The following METTL22 variants were observed in gnomAD, a reference collection of about 807,000 sequenced individuals.
The protein encoded by METTL22 is methyltransferase-like protein 22.
In METTL22, 51 loss-of-function variants were observed where a neutral mutation model predicts 48.4. The observed-to-expected ratio is 1.05, with a 90% CI of 0.84 to 1.33. METTL22 has a LOEUF of 1.33. METTL22 is among the 40% of genes most tolerant of loss of function. The pLI is 0.00. For missense variants in METTL22, 678 were observed against 526.9 expected (o/e 1.29, Z -2.81); for synonymous variants, 255 against 214.1 (o/e 1.19, Z -1.67).
At chr16:8,623,402 C>T (rs187519304) in intron 1 of METTL22, among the ~76,000 whole-genome samples, 1 of 151,974 alleles carries the variant, frequency 6.6e-6, no homozygotes, top group African/African-American at 2.4e-5. Flanking sequence ...AGAGGATCTT[C>T]CCCACCCCCT....
rs531021359 is a variant in METTL22, at chr16:8,647,375, A to G, written c.*1232A>G. 6.5e-6 allele frequency: 1 copy of G among 152,758 alleles called. No homozygotes were observed. The highest frequency in any genetic ancestry group is 1.9e-4 in the East Asian group (1 of 5,188). The allele number at this position is 152,758 out of a possible 1,614,324, so 9.5% of individuals were successfully genotyped here. ...TTAAATATCACTACATCCCTGCTGT[A>G]TGGTCTGGCAAACAGTAGATGCTCA... is the stretch of plus-strand genomic sequence containing the variant. On this transcript the variant is annotated 3_prime_UTR_variant, in exon 11 of 11. Coordinates refer to ENST00000381920, the MANE Select transcript of METTL22 (RefSeq NM_024109.4).
intron 10 of METTL22, among the ~76,000 whole-genome samples, chr16:8,645,352 T>C (rs1487919140): frequency 6.6e-6 from 1 of 152,128 alleles, no homozygotes; most frequent in Non-Finnish European, 1.5e-5. Flanking sequence ...ATGGAATTCG[T>C]GTGGTTTTGT....
chr16:8,635,299 C>T lies in METTL22; in HGVS notation c.687C>T (p.Thr229=), dbSNP rs553396273. 174 of 1,579,940 alleles carry T rather than the reference C, an allele frequency of 1.1e-4. 2 individuals are homozygous for T. The South Asian group carries it at 1.6e-3, about 15-fold the overall frequency. ...TCATCGCAGCCACCATGGCACGGAC[C>T]GTTTATTGTACAGGTAATGAGGTGA... is the stretch of plus-strand genomic sequence containing the variant. ...ASIIAATMAR[T]VYCTDVGADL... is the part of the protein sequence containing the mutation. Residue 229 remains threonine, a synonymous_variant, in exon 5 of 11, where the codon ACC becomes ACT. Coordinates refer to ENST00000381920, the MANE Select transcript of METTL22 (RefSeq NM_024109.4).
intron 3 of METTL22, among the ~76,000 whole-genome samples, chr16:8,630,074 G>A (rs1343372706): frequency 2.6e-5 from 4 of 152,102 alleles, no homozygotes; most frequent in Non-Finnish European, 5.9e-5. Context: ...GAGATCCAGG[G>A]TCCCCGATGG....
At chr16:8,641,233 G>A (rs1333996733) in intron 7 of METTL22, 49 bp downstream of exon 7, 1 of 1,583,246 alleles carries the variant, frequency 6.3e-7, no homozygotes, top group African/African-American at 1.3e-5. Context: ...TGATTCCTTT[G>A]TAATACCTCA....
chr16:8,628,772 G>T lies in METTL22; in HGVS notation c.176G>T (p.Trp59Leu). 6.2e-7 allele frequency: 1 copy of T among 1,614,038 alleles called. No individual in the cohort carries two copies. Among genetic ancestry groups the T allele is most frequent in the Non-Finnish European group, 8.5e-7 (1 of 1,179,970 alleles). ...QFKLLWSQDS[W>L]TDSGAKGGSH... ...AAGCTTCTATGGAGCCAAGACTCTT[G>T]GACAGATTCAGGAGCCAAGGGTGGC... Residue 59 changes from tryptophan to leucine, a missense_variant, in exon 3 of 11, where the codon TGG becomes TTG. By Grantham distance (61) the Trp-to-Leu change is moderately conservative (BLOSUM62 -2). Coordinates refer to ENST00000381920, the MANE Select transcript of METTL22 (RefSeq NM_024109.4).
chr16:8,629,033 C>A lies in METTL22; in HGVS notation c.437C>A (p.Pro146His). Residue 146 changes from proline (P) to histidine (H), a missense_variant, in exon 3 of 11, where the codon CCC becomes CAC. Transcript: ENST00000381920. Reference sequence around the variant, plus strand: ...GGGCCTCTGAGAGACAAGGTACATCCCATGATTCTAGCACAGGAAGAAGAC... The same window carrying A: ...GGGCCTCTGAGAGACAAGGTACATCACATGATTCTAGCACAGGAAGAAGAC... ...PAGPLRDKVH[P>H]MILAQEEDDV... The A allele has an allele frequency of 6.2e-7, 1 of 1,614,068 alleles. No individual in the cohort carries two copies. Among genetic ancestry groups the A allele is most frequent in the Non-Finnish European group, 8.5e-7 (1 of 1,180,034 alleles).
intron 5 of METTL22, among the ~76,000 whole-genome samples, chr16:8,637,023 C>T (rs1205208785): frequency 2.0e-5 from 3 of 152,168 alleles, no homozygotes; most frequent in South Asian, 2.1e-4. Flanking sequence ...TCCTAACGTG[C>T]CAGAGTGCTT....
chr16:8,664,072 T>C, the METTL22 span, among the ~76,000 whole-genome samples: 1 of 151,184 alleles, frequency 6.6e-6, no homozygotes, highest in Non-Finnish European at 1.5e-5. Flanking sequence ...CTTACACTTG[T>C]GCATTCTAAG....
Position 8,628,956 on chromosome 16 carries a change from G to C in METTL22, c.360G>C (p.Gly120=), listed in dbSNP as rs977664626. 1 of 1,614,024 alleles carries C rather than the reference G, an allele frequency of 6.2e-7. No individual in the cohort carries two copies. The highest frequency in any genetic ancestry group is 1.3e-5 in the African/African-American group (1 of 74,938). Residue 120 remains glycine, a synonymous_variant, in exon 3 of 11, where the codon GGG becomes GGC. Coordinates refer to ENST00000381920, the MANE Select transcript of METTL22 (RefSeq NM_024109.4). ...CTGAAGCTCAGCTGGATGAGGATGG[G>C]GATTTGGACGTGGTGAGAAGACCAC... ...EVAEAQLDED[G]DLDVVRRPRA...
At chr16:8,655,807 A>G in the METTL22 span, among the ~76,000 whole-genome samples, 137,862 of 152,272 alleles carry the variant, frequency 0.91, 64,029 homozygotes, top group East Asian at 1. Flanking sequence ...GCTCTTCTAA[A>G]CAAAGCCGTT....
the METTL22 span, among the ~76,000 whole-genome samples, chr16:8,657,824 C>CTTTTTTTTTTTT: frequency 5.3e-4 from 73 of 137,464 alleles, 1 homozygote; most frequent in African/African-American, 2.0e-3. Context: ...TCTTTTCTTT[C>CTTTTTTTTTTTT]TTTTTTTTTT....
In METTL22 at chr16:8,646,456, G is replaced by C. The variant is rs1181376650; in HGVS notation, c.*313G>C. 3 of 612,822 alleles carry C rather than the reference G, an allele frequency of 4.9e-6. No individual in the cohort carries two copies. The East Asian group carries it at 1.1e-4, about 22-fold the overall frequency. The allele number at this position is 612,822 out of a possible 1,614,324, so 38.0% of individuals were successfully genotyped here. The stretch of plus-strand genomic sequence containing the variant: ...CCCACGTCAGTCATTTCAGCTGTGT[G>C]CTTTACTTGCGGTTGCGGCCCTGGC... On this transcript the variant is annotated 3_prime_UTR_variant, in exon 11 of 11. Coordinates refer to ENST00000381920, the MANE Select transcript of METTL22 (RefSeq NM_024109.4).
chr16:8,622,104 G>A (rs928921729), intron 1 of METTL22, among the ~76,000 whole-genome samples: 3 of 152,176 alleles, frequency 2.0e-5, no homozygotes, highest in Non-Finnish European at 4.4e-5. Flanking sequence ...AAGAGAACGA[G>A]TAGCCCCACG....
rs867167047 is a variant in METTL22 at position 8,646,965 on chromosome 16, C to G, written c.*822C>G. ...ATCCTCTATGTCCCACTGTCTCTCT[C>G]CTTCTCTCCAGTTTTGGTCCCATCT... is the stretch of plus-strand genomic sequence containing the variant. On this transcript the variant is annotated 3_prime_UTR_variant, in exon 11 of 11. Transcript: ENST00000381920. 3.0e-6 allele frequency: 1 copy of G among 335,216 alleles called. No individual in the cohort carries two copies. Among genetic ancestry groups the G allele is most frequent in the Non-Finnish European group, 5.9e-6 (1 of 170,408 alleles). 20.8% of individuals were successfully genotyped at this position (335,216 alleles called of 1,614,324 possible). A position where few individuals can be genotyped will look rare whatever the true frequency, so the allele number is the denominator to read the frequency against.
chr16:8,646,673 C>T lies in METTL22; in HGVS notation c.*530C>T, dbSNP rs541944028. ...GGCAGGAGCTGGCGCCAGGAATGGA[C>T]TGGCATTGGCCTTTGTATTTAATTT... On this transcript the variant is annotated 3_prime_UTR_variant, in exon 11 of 11. Transcript: ENST00000381920. The T allele has an allele frequency of 2.3e-4, 107 of 457,670 alleles. 3 individuals carry two copies. Among genetic ancestry groups the T allele is most frequent in the South Asian group, 1.6e-3 (101 of 64,576 alleles). The allele number at this position is 457,670 out of a possible 1,614,324, so 28.4% of individuals were successfully genotyped here. A position where few individuals can be genotyped will look rare whatever the true frequency, so the allele number is the denominator to read the frequency against.
chr16:8,646,015 A>C (rs1567249093), intron 10 of METTL22, 93 bp from the exon 11 acceptor site: 6 of 1,579,224 alleles, frequency 3.8e-6, no homozygotes, highest in Admixed American at 1.8e-5. Flanking sequence ...GTGTTGTCTA[A>C]CTACTCTCCT....
rs535532145 is a variant in METTL22, at chr16:8,639,354, C to T, written c.772+192C>T. 673 of 606,034 alleles carry T rather than the reference C, an allele frequency of 1.1e-3. 7 individuals carry two copies. In the South Asian group the frequency reaches 0.012, roughly 11 times the overall value. The allele number at this position is 606,034 out of a possible 1,614,324, so 37.5% of individuals were successfully genotyped here. On this transcript the variant is annotated intron_variant, in intron 6 of 10. Transcript: ENST00000381920. ...GAGGACGCTCCTTGGGTCACCTCCT[C>T]ATTCCCAGATCCACTGCGTCATCCT... is the stretch of plus-strand genomic sequence containing the variant.
intron 2 of METTL22, among the ~76,000 whole-genome samples, chr16:8,628,491 T>C (rs2056137930): frequency 1.3e-5 from 2 of 152,036 alleles, no homozygotes; most frequent in Non-Finnish European, 2.9e-5. Context: ...TGAGCTGATA[T>C]GAGCCAAGTG....
Sources: gnomAD v4.1 joint callset for allele counts (sites outside exome capture counted in the v4.1 genomes callset) on GRCh38, gnomAD v4.1.1 for gene constraint, MANE v1.5 for transcripts, NCBI Gene and HGNC (gene_info 2026-07-23, HGNC 2026-07-21) for gene names.